Variants in CA8 observed in about 807,000 individuals in gnomAD.
CA8 encodes carbonic anhydrase-related protein.
Under a neutral mutation model 41.4 loss-of-function variants are expected in CA8, and 22 were observed. The observed-to-expected ratio is 0.53, with a 90% CI of 0.38 to 0.76. CA8 has a LOEUF of 0.76. CA8 is among the 30% of genes least tolerant of loss of function. CA8 has a pLI of 0.00. For missense variants in CA8, 270 were observed against 352.8 expected (o/e 0.77, Z 1.88); for synonymous variants, 121 against 130.6 (o/e 0.93, Z 0.50).
At chr8:60,207,379 C>CT (rs1806630839) in intron 8 of CA8, among the ~76,000 whole-genome samples, 1 of 152,206 alleles carries the variant, frequency 6.6e-6, no homozygotes, top group South Asian at 2.1e-4. Context: ...TCAACCCAGA[C>CT]TTGTTTTCTG....
chr8:60,230,648 T>C (rs1236237275), intron 4 of CA8, among the ~76,000 whole-genome samples: 1 of 152,048 alleles, frequency 6.6e-6, no homozygotes, highest in African/African-American at 2.4e-5. Context: ...TTCTGTGATT[T>C]CACTCTCTCC....
chr8:60,279,656 T>A (rs1446565219), intron 2 of CA8, 33 bp downstream of exon 2: 1 of 1,587,894 alleles, frequency 6.3e-7, no homozygotes, highest in East Asian at 2.2e-5. Context: ...ACTTCTAGTT[T>A]AAAAGACCAC....
intron 4 of CA8, among the ~76,000 whole-genome samples, chr8:60,229,502 AG>A (rs1807567142): frequency 6.6e-6 from 1 of 152,068 alleles, no homozygotes; most frequent in African/African-American, 2.4e-5. Flanking sequence ...AATCTCTCCC[AG>A]GCATCACCTC....
At chr8:60,214,967 A>G (rs1806964494) in intron 7 of CA8, among the ~76,000 whole-genome samples, 1 of 152,214 alleles carries the variant, frequency 6.6e-6, no homozygotes, top group African/African-American at 2.4e-5. Context: ...AAGCTAAGAA[A>G]TAGATAAGTA....
At chr8:60,280,173 T>C (rs552347063) in intron 1 of CA8, among the ~76,000 whole-genome samples, 7 of 152,234 alleles carry the variant, frequency 4.6e-5, no homozygotes, top group Admixed American at 2.6e-4. Context: ...TTTAAGTGAT[T>C]AGGAAAAAAG....
chr8:60,200,395 A>C (rs1024348745), intron 8 of CA8, among the ~76,000 whole-genome samples: 4 of 152,182 alleles, frequency 2.6e-5, no homozygotes, highest in African/African-American at 9.7e-5. Context: ...ACACTACCAT[A>C]ATCCTTTCTT....
intron 2 of CA8, among the ~76,000 whole-genome samples, chr8:60,266,288 T>C (rs1474110307): frequency 6.6e-6 from 1 of 152,194 alleles, no homozygotes; most frequent in East Asian, 1.9e-4. Context: ...AAACTCATAA[T>C]GATATGCATA....
At chr8:60,199,834 T>A (rs1261779758) in intron 8 of CA8, among the ~76,000 whole-genome samples, 1 of 152,236 alleles carries the variant, frequency 6.6e-6, no homozygotes, top group African/African-American at 2.4e-5. Flanking sequence ...GGCCAATCTA[T>A]ATGTACCAAC....
chr8:60,207,680 T>C (rs762087742), intron 8 of CA8, among the ~76,000 whole-genome samples: 2 of 152,328 alleles, frequency 1.3e-5, no homozygotes, highest in Admixed American at 1.3e-4. Flanking sequence ...TCTCTCCACC[T>C]CCACTGTTCC....
At chr8:60,215,721 TTAGAATTCCTATTC>T (rs1312141108) in intron 7 of CA8, among the ~76,000 whole-genome samples, 1 of 152,180 alleles carries the variant, frequency 6.6e-6, no homozygotes, top group Non-Finnish European at 1.5e-5. Flanking sequence ...GCTTCCAATT[TTAGAATTCCTATTC>T]TAGAATTCCT....
intron 3 of CA8, among the ~76,000 whole-genome samples, chr8:60,250,804 G>C (rs866227471): frequency 6.6e-6 from 1 of 152,100 alleles, no homozygotes; most frequent in Admixed American, 6.6e-5. Flanking sequence ...ATGTTGAACA[G>C]TGATGCTCCA....
intron 3 of CA8, among the ~76,000 whole-genome samples, chr8:60,243,325 A>G (rs1469274306): frequency 6.6e-6 from 1 of 151,836 alleles, no homozygotes; most frequent in Non-Finnish European, 1.5e-5. Context: ...TTTCTGCCAC[A>G]GCACTCAAGG....
intron 1 of CA8, among the ~76,000 whole-genome samples, chr8:60,280,731 A>G (rs115668655): frequency 0.018 from 2,765 of 152,354 alleles, 67 homozygotes; most frequent in African/African-American, 0.062. Context: ...TTGACTACTC[A>G]GAAGACATAA....
chr8:60,242,850 G>C (rs1808087933), intron 3 of CA8, among the ~76,000 whole-genome samples: 1 of 152,210 alleles, frequency 6.6e-6, no homozygotes, highest in Non-Finnish European at 1.5e-5. Context: ...GCACTGAAAG[G>C]TCTAGCGCCC....
chr8:60,232,342 C>G lies in CA8; in HGVS notation c.455G>C (p.Ser152Thr). ...LIHWNSTLFG[S>T]IDEAVGKPHG... ...CGGCTTCCCCACAGCCTCATCAATG[C>G]TGCCAAACAGAGTGGAGTTCCAGTG... Residue 152 changes from serine (S) to threonine (T), a missense_variant, in exon 4 of 9, where the codon AGC (serine) becomes ACC (threonine). Physicochemically the swap from Ser to Thr is moderately conservative, Grantham distance 58. Coordinates refer to ENST00000317995, the MANE Select transcript of CA8 (RefSeq NM_004056.6). 6.2e-7 allele frequency: 1 copy of G among 1,614,010 alleles called. No individual in the cohort carries two copies. Among genetic ancestry groups the G allele is most frequent in the South Asian group, 1.1e-5 (1 of 91,080 alleles).
intron 5 of CA8, 48 bp from the exon 6 acceptor site, chr8:60,224,633 A>T (rs747351993): frequency 3.4e-6 from 4 of 1,165,934 alleles, no homozygotes; most frequent in Admixed American, 1.7e-5. Context: ...ATATTTCTAG[A>T]TTTTAGAATA....
intron 3 of CA8, among the ~76,000 whole-genome samples, chr8:60,239,639 T>C (rs746266930): frequency 1.3e-5 from 2 of 152,044 alleles, no homozygotes; most frequent in Admixed American, 6.5e-5. Flanking sequence ...CCTTGTAGAG[T>C]TGGTTCACTC....
chr8:60,201,522 G>C (rs1449567212), intron 8 of CA8, among the ~76,000 whole-genome samples: 1 of 152,128 alleles, frequency 6.6e-6, no homozygotes, highest in African/African-American at 2.4e-5. Flanking sequence ...AAGAAGGCAG[G>C]CAGTATCAGA....
intron 3 of CA8, among the ~76,000 whole-genome samples, chr8:60,234,621 C>CA (rs755870674): frequency 1.3e-5 from 2 of 152,152 alleles, no homozygotes; most frequent in Non-Finnish European, 2.9e-5. Flanking sequence ...CCCAAGCTAA[C>CA]AAGGATAACA....
Sources: allele counts gnomAD v4.1 joint callset (sites outside exome capture counted in the v4.1 genomes callset), GRCh38; gene constraint gnomAD v4.1.1; transcripts MANE v1.5; gene names NCBI Gene and HGNC (gene_info 2026-07-23, HGNC 2026-07-21).